NHS: variants seen among roughly 807,000 people sequenced by gnomAD.
NHS encodes the protein actin remodeling regulator NHS.
NHS carries 5 observed loss-of-function variants against 72.5 expected under a neutral mutation model. The ratio of observed to expected loss-of-function variants is 0.07; its 90% CI spans 0.04 to 0.14. NHS has a LOEUF of 0.14. NHS is among the 10% of genes least tolerant of loss of function. The pLI is 1.00. For synonymous variants in NHS, 464 were observed against 547.7 expected (o/e 0.85, Z 2.13); for missense variants, 1,072 against 1,355.7 (o/e 0.79, Z 3.29).
chrX:17,454,662 T>C (rs774459861), intron 1 of NHS, among the ~76,000 whole-genome samples: 3 of 112,287 alleles, frequency 2.7e-5, no homozygotes, highest in Admixed American at 9.4e-5. Context: ...TTCAGTTTAT[T>C]CATCTGTTAA....
intron 1 of NHS, among the ~76,000 whole-genome samples, chrX:17,452,197 G>C (rs1037170961): frequency 1.8e-5 from 2 of 111,485 alleles, no homozygotes; most frequent in African/African-American, 6.5e-5. Context: ...AGGGTTTCGG[G>C]GGCACATTGT....
chrX:17,641,615 T>G (rs752392338), intron 1 of NHS, among the ~76,000 whole-genome samples: 51 of 111,315 alleles, frequency 4.6e-4, no homozygotes, highest in Non-Finnish European at 8.3e-4. Context: ...CTGCCCTACA[T>G]CCTGCTCTAT....
chrX:17,596,766 A>G (rs1478557935), intron 1 of NHS, among the ~76,000 whole-genome samples: 1 of 111,793 alleles, frequency 8.9e-6, no homozygotes, highest in African/African-American at 3.3e-5. Context: ...TTCATGTCAC[A>G]TTCCAGGCAT....
At chrX:17,464,386 C>T (rs2064861912) in intron 1 of NHS, among the ~76,000 whole-genome samples, 1 of 111,873 alleles carries the variant, frequency 8.9e-6, no homozygotes, top group African/African-American at 3.3e-5. Context: ...CTTTCAGACT[C>T]AAGAGCTGGC....
intron 1 of NHS, among the ~76,000 whole-genome samples, chrX:17,604,027 A>AAATATTATT (rs1273942112): frequency 9.0e-6 from 1 of 111,294 alleles, no homozygotes; most frequent in Admixed American, 9.6e-5. Flanking sequence ...CCTCATAATA[A>AAATATTATT]AATATTATTA....
chrX:17,443,343 G>T (rs969234949), intron 1 of NHS, among the ~76,000 whole-genome samples: 1 of 111,762 alleles, frequency 8.9e-6, no homozygotes, highest in Non-Finnish European at 1.9e-5. Flanking sequence ...TTCTTTGAGC[G>T]TGTAAACATG....
intron 1 of NHS, among the ~76,000 whole-genome samples, chrX:17,425,279 C>T (rs940232710): frequency 4.5e-5 from 5 of 110,483 alleles, no homozygotes; most frequent in Admixed American, 2.9e-4. Flanking sequence ...CTGTCAAATT[C>T]ACAGAAAAAT....
chrX:17,527,573 A>G (rs2065179144), intron 1 of NHS, among the ~76,000 whole-genome samples: 1 of 112,445 alleles, frequency 8.9e-6, no homozygotes, highest in Non-Finnish European at 1.9e-5. Flanking sequence ...GTTAGCATCA[A>G]CAAATCCCAA....
chrX:17,395,201 A>G (rs748653451), intron 1 of NHS, among the ~76,000 whole-genome samples: 2 of 110,947 alleles, frequency 1.8e-5, no homozygotes, highest in Non-Finnish European at 3.8e-5. Flanking sequence ...AGACATGAGG[A>G]CAATATCCAG....
chrX:17,504,327 T>C (rs1653403538), intron 1 of NHS, among the ~76,000 whole-genome samples: 1 of 112,241 alleles, frequency 8.9e-6, no homozygotes, highest in South Asian at 3.7e-4. Flanking sequence ...AGGAGTCTTC[T>C]GTAAAAAGAT....
chrX:17,544,685 G>A (rs997400052), intron 1 of NHS, among the ~76,000 whole-genome samples: 17 of 111,065 alleles, frequency 1.5e-4, no homozygotes, highest in Non-Finnish European at 2.5e-4. Context: ...GCTAATTCTT[G>A]TATTTTTAGT....
chrX:17,417,374 A>G (rs1601696988), intron 1 of NHS, among the ~76,000 whole-genome samples: 1 of 112,105 alleles, frequency 8.9e-6, no homozygotes, highest in East Asian at 2.8e-4. Context: ...CTACATTTAA[A>G]TAGTGAACAT....
At chrX:17,599,561 G>A (rs1277671570) in intron 1 of NHS, among the ~76,000 whole-genome samples, 1 of 109,961 alleles carries the variant, frequency 9.1e-6, no homozygotes, top group African/African-American at 3.3e-5. Context: ...CATTAGTATG[G>A]TACATTTCTT....
chrX:17,580,911 A>G (rs2065540306), intron 1 of NHS, among the ~76,000 whole-genome samples: 1 of 112,449 alleles, frequency 8.9e-6, no homozygotes, highest in Non-Finnish European at 1.9e-5. Flanking sequence ...TTGAACTTTA[A>G]TGGGCAACCT....
In NHS at chrX:17,409,631, G is replaced by T. The variant is rs937432502; in HGVS notation, c.565+33309G>T. Among the ~76,000 whole-genome samples, 23 of 111,564 alleles carry T rather than the reference G, an allele frequency of 2.1e-4. 1 individual carries two copies. The highest frequency in any genetic ancestry group is 1.9e-5 in the Non-Finnish European group (1 of 53,147). On this transcript the variant is annotated intron_variant, in intron 1 of 8. Transcript: ENST00000676302. ...GCTCTGTTAGTTGTAATTGTTCTTG[G>T]ATCTGGACTGATGGAGGCTTCATTC...
chrX:17,669,384 G>A (rs1467583729), intron 1 of NHS, among the ~76,000 whole-genome samples: 1 of 112,163 alleles, frequency 8.9e-6, no homozygotes, highest in African/African-American at 3.3e-5. Context: ...AGGAACGAAC[G>A]TAAGCATTGG....
chrX:17,543,631 A>C (rs1252449808), intron 1 of NHS, among the ~76,000 whole-genome samples: 1 of 111,630 alleles, frequency 9.0e-6, no homozygotes, highest in Non-Finnish European at 1.9e-5. Context: ...CTCTGTAGGC[A>C]GTTCTTGTTT....
intron 1 of NHS, among the ~76,000 whole-genome samples, chrX:17,394,176 G>C (rs2064460715): frequency 9.0e-6 from 1 of 111,489 alleles, no homozygotes; most frequent in Non-Finnish European, 1.9e-5. Context: ...CTTGTGTTTT[G>C]ATTGAACGTT....
At chrX:17,554,512 T>C (rs898623607) in intron 1 of NHS, among the ~76,000 whole-genome samples, 1 of 112,553 alleles carries the variant, frequency 8.9e-6, no homozygotes, top group Admixed American at 9.3e-5. Flanking sequence ...AACAGGCAAA[T>C]AAGGGCAGTC....
Sources: allele counts gnomAD v4.1 joint callset (sites outside exome capture counted in the v4.1 genomes callset), GRCh38; gene constraint gnomAD v4.1.1; transcripts MANE v1.5; gene names NCBI Gene and HGNC (gene_info 2026-07-23, HGNC 2026-07-21).